Variants in MTTP observed in about 807,000 individuals in gnomAD.
MTTP encodes microsomal triglyceride transfer protein large subunit.
MTTP carries 49 observed loss-of-function variants against 90.6 expected under a neutral mutation model. The ratio of observed to expected loss-of-function variants is 0.54; its 90% CI spans 0.43 to 0.69. MTTP has a LOEUF of 0.69. Ranked by LOEUF, MTTP falls within the 30% of genes least tolerant of loss-of-function variation. The pLI is 0.00. For synonymous variants in MTTP, 347 were observed against 384.2 expected, an observed-to-expected ratio of 0.90 and a Z score of 1.13; for missense variants, 945 against 1,067.5, an observed-to-expected ratio of 0.89 and a Z score of 1.60.
chr4:99,619,638 T>G (rs1315847618), intron 16 of MTTP, among the ~76,000 whole-genome samples: 1 of 152,214 alleles, frequency 6.6e-6, no homozygotes, highest in Non-Finnish European at 1.5e-5. Flanking sequence ...AGTGTGAAGA[T>G]GAAAATTATT....
At chr4:99,574,821 G>A, upstream of MTTP, 40 of 1,613,186 alleles carry the variant, frequency 2.5e-5, no homozygotes, top group Non-Finnish European at 3.4e-5. Flanking sequence ...TCTGAAGAGG[G>A]TCACTCCCTC....
chr4:99,591,488 A>G (rs1725418905), intron 5 of MTTP, 137 bp downstream of exon 5: 1 of 1,072,696 alleles, frequency 9.3e-7, no homozygotes, highest in Admixed American at 2.0e-5. Context: ...AAATTCACAC[A>G]TATGTAATGA....
intron 10 of MTTP, among the ~76,000 whole-genome samples, chr4:99,602,458 A>G (rs1007143205): frequency 2.0e-5 from 3 of 152,124 alleles, no homozygotes; most frequent in Non-Finnish European, 4.4e-5. Context: ...TTATACAGCC[A>G]GTGTCCCATC....
upstream of MTTP, among the ~76,000 whole-genome samples, chr4:99,573,332 G>A (rs1451153454): frequency 6.6e-6 from 1 of 152,080 alleles, no homozygotes; most frequent in Admixed American, 6.5e-5. Flanking sequence ...CTATTCAAAT[G>A]GAAAGTAACA....
chr4:99,601,613 T>C lies in MTTP; in HGVS notation c.1243T>C (p.Phe415Leu), dbSNP rs773876782. The part of the protein sequence containing the change: ...EELLRALISK[F>L]KGSIGSSDIR... ...ATCCCTGTTTGGTTAATAGAGTAAG[T>C]TCAAAGGTTCTATTGGTAGCAGTGA... The change falls in exon 10 of 18, where the codon TTC becomes CTC. Residue 415 changes from phenylalanine to leucine, a missense_variant. Coordinates refer to ENST00000265517, the MANE Select transcript of MTTP (RefSeq NM_001386140.1). 6.2e-7 allele frequency: 1 copy of C among 1,610,258 alleles called. No individual in the cohort carries two copies. The highest frequency in any genetic ancestry group is 8.5e-7 in the Non-Finnish European group (1 of 1,176,746).
rs1266532973 is a variant in MTTP at position 99,589,710 on chromosome 4, G to C, written c.461G>C (p.Ser154Thr). The C allele has an allele frequency of 4.4e-6, 7 of 1,606,614 alleles. No homozygotes were observed. The highest frequency in any genetic ancestry group is 5.1e-6 in the Non-Finnish European group (6 of 1,173,844). The change falls in exon 4 of 18, where the codon AGC becomes ACC. Residue 154 changes from serine (S) to threonine (T), a missense_variant. Physicochemically the swap from Ser to Thr is moderately conservative, Grantham distance 58. Coordinates refer to ENST00000265517, the MANE Select transcript of MTTP (RefSeq NM_001386140.1). ...GAAAATATCAAGAGAGGTCTGGCTA[G>C]CCTATTTCAGACACAGTTAAGCTCT... ...AIENIKRGLA[S>T]LFQTQLSSGT...
At chr4:99,610,055 C>G (rs1037302875) in intron 12 of MTTP, among the ~76,000 whole-genome samples, 1 of 152,036 alleles carries the variant, frequency 6.6e-6, no homozygotes, top group Non-Finnish European at 1.5e-5. Flanking sequence ...AGTCTCAGAA[C>G]CAAAAACATT....
chr4:99,618,481 A>G (rs75230352), intron 15 of MTTP, among the ~76,000 whole-genome samples: 180 of 152,316 alleles, frequency 1.2e-3, no homozygotes, highest in African/African-American at 3.9e-3. Flanking sequence ...TAGATTTCTG[A>G]TGGAGATGCC....
At chr4:99,584,420 T>G (rs1475098421) in intron 3 of MTTP, among the ~76,000 whole-genome samples, 2 of 152,024 alleles carry the variant, frequency 1.3e-5, no homozygotes, top group Non-Finnish European at 2.9e-5. Context: ...AAGTAATACT[T>G]TATTTATTTT....
chr4:99,571,941 A>G (rs758778702), upstream of MTTP, among the ~76,000 whole-genome samples: 13 of 151,832 alleles, frequency 8.6e-5, no homozygotes, highest in African/African-American at 1.9e-4. Flanking sequence ...AAGTGTTTCA[A>G]TGTTATAAAC....
At chr4:99,569,496 G>T (rs570223252) in intron 1 of MTTP, among the ~76,000 whole-genome samples, 41 of 152,142 alleles carry the variant, frequency 2.7e-4, no homozygotes, top group African/African-American at 9.9e-4. Context: ...GTTATTAACA[G>T]AAGTAACTGT....
chr4:99,601,321 C>CT (rs34811849), intron 9 of MTTP, among the ~76,000 whole-genome samples: 7,019 of 128,060 alleles, frequency 0.055, 315 homozygotes, highest in African/African-American at 0.12. Context: ...CTCACCCCTC[C>CT]TTTTTTTTTT....
chr4:99,583,759 G>A, intron 3 of MTTP: 1 of 588,562 alleles, frequency 1.7e-6, no homozygotes, highest in South Asian at 2.3e-5. Context: ...GTGGAATGAA[G>A]TATTTATTTA....
intron 15 of MTTP, among the ~76,000 whole-genome samples, chr4:99,618,103 A>G (rs1349439495): frequency 6.6e-6 from 1 of 152,238 alleles, no homozygotes; most frequent in African/African-American, 2.4e-5. Context: ...TTTTTAAAAT[A>G]CAGCATAACA....
chr4:99,602,343 A>C (rs1725719900), intron 10 of MTTP, among the ~76,000 whole-genome samples: 1 of 152,170 alleles, frequency 6.6e-6, no homozygotes. Context: ...AAGTATAACT[A>C]AATATGGAAA....
At chr4:99,622,544 G>A (rs1726262265) in intron 17 of MTTP, 133 bp from the exon 18 acceptor site, 1 of 894,408 alleles carries the variant, frequency 1.1e-6, no homozygotes, top group South Asian at 1.4e-5. Context: ...TCATGGAGTA[G>A]CCTTTGACAC....
At chr4:99,579,676 T>C (rs1725051401) in intron 1 of MTTP, among the ~76,000 whole-genome samples, 1 of 152,196 alleles carries the variant, frequency 6.6e-6, no homozygotes, top group African/African-American at 2.4e-5. Flanking sequence ...CATTTAAATG[T>C]ACCTTCCAAT....
rs1308100354 is a variant in MTTP at position 99,606,840 on chromosome 4, T to C, written c.1437T>C (p.Asn479=). 6.8e-6 allele frequency: 11 copies of C among 1,614,042 alleles called. No individual in the cohort carries two copies. The highest frequency in any genetic ancestry group is 8.5e-6 in the Non-Finnish European group (10 of 1,180,018). The part of the protein sequence containing the change: ...DTRMYLLALK[N]ALLPEGIPSL... ...GGATGTATCTGCTGGCTTTGAAGAA[T>C]GCCCTGCTTCCAGAAGGCATCCCAA... The change falls in exon 11 of 18, where the codon AAT becomes AAC. Residue 479 remains asparagine (N), a synonymous_variant. Transcript: ENST00000265517.
chr4:99,607,224 C>T lies in MTTP; in HGVS notation c.1557+264C>T, dbSNP rs76819189. On this transcript the variant is annotated intron_variant, in intron 11 of 17. Transcript: ENST00000265517. The stretch of plus-strand genomic sequence containing the variant: ...CAAATTCTTTTTTGAAATATATTTA[C>T]TTTTATAAGTTTTAAGATGCTGTTA... Among the ~76,000 whole-genome samples the T allele has an allele frequency of 0.1, 15,884 of 152,074 alleles. 997 individuals are homozygous for T. Among genetic ancestry groups the T allele is most frequent in the Middle Eastern group, 0.2 (59 of 294 alleles).
Sources: allele counts gnomAD v4.1 joint callset (sites outside exome capture counted in the v4.1 genomes callset), GRCh38; gene constraint gnomAD v4.1.1; transcripts MANE v1.5; gene names NCBI Gene and HGNC (gene_info 2026-07-23, HGNC 2026-07-21).